Variants in BUD13 observed in about 807,000 individuals in gnomAD.
BUD13 encodes BUD13 homolog.
BUD13 carries 47 observed loss-of-function variants against 62.5 expected under a neutral mutation model. That is an observed-to-expected ratio of 0.75 (90% CI 0.60 to 0.96). BUD13 has a LOEUF of 0.96. BUD13 is among the 40% of genes least tolerant of loss of function. The pLI is 0.00. For synonymous variants in BUD13, 293 were observed against 280.1 expected, an observed-to-expected ratio of 1.05 and a Z score of -0.46; for missense variants, 821 against 790.9, an observed-to-expected ratio of 1.04 and a Z score of -0.46.
intron 3 of BUD13, among the ~76,000 whole-genome samples, chr11:116,764,179 A>G (rs1940487626): frequency 6.6e-6 from 1 of 152,246 alleles, no homozygotes; most frequent in African/African-American, 2.4e-5. Context: ...TGAAATATCT[A>G]TAGCAACTGG....
intron 4 of BUD13, among the ~76,000 whole-genome samples, chr11:116,761,235 A>G (rs1371554606): frequency 6.6e-6 from 1 of 151,934 alleles, no homozygotes; most frequent in Non-Finnish European, 1.5e-5. Context: ...TGTTTTTAGT[A>G]GAGATGGGGT....
At chr11:116,766,629 G>A (rs993998334) in intron 2 of BUD13, among the ~76,000 whole-genome samples, 3 of 152,212 alleles carry the variant, frequency 2.0e-5, no homozygotes, top group Non-Finnish European at 2.9e-5. Flanking sequence ...TTGCTATAAG[G>A]ATTGAATGAG....
intron 9 of BUD13, among the ~76,000 whole-genome samples, chr11:116,754,534 T>C (rs1223542577): frequency 1.3e-5 from 2 of 152,134 alleles, no homozygotes; most frequent in Non-Finnish European, 1.5e-5. Context: ...AAATCCAACA[T>C]ACATTCCTGA....
intron 9 of BUD13, among the ~76,000 whole-genome samples, chr11:116,748,868 C>T (rs1022528014): frequency 1.3e-5 from 2 of 151,628 alleles, no homozygotes; most frequent in Admixed American, 1.3e-4. Context: ...TGCCTGTAAT[C>T]CAGCTATTCG....
In BUD13 at chr11:116,772,815, A is replaced by C. The variant is rs562330863; in HGVS notation, c.143+7T>G. 7.6e-6 allele frequency: 12 copies of C among 1,571,080 alleles called. No individual in the cohort carries two copies. The East Asian group carries it at 2.6e-4, about 34-fold the overall frequency. On this transcript the variant is annotated splice_region_variant and intron_variant, in intron 1 of 9. Coordinates refer to ENST00000260210, the MANE Select transcript of BUD13 (RefSeq NM_032725.4). ...CGCAGGCCCCGCCCCGGCCGGTACC[A>C]ACTCACCCCTTGCCGCCGGCCCCGC...
chr11:116,752,553 A>G (rs981008241), intron 9 of BUD13, among the ~76,000 whole-genome samples: 1 of 152,166 alleles, frequency 6.6e-6, no homozygotes, highest in African/African-American at 2.4e-5. Flanking sequence ...ATTAAAAAAC[A>G]AAAAACAAAA....
chr11:116,756,967 AAGG>A (rs1207845412), intron 9 of BUD13, among the ~76,000 whole-genome samples, 176 bp downstream of exon 9: 1 of 152,218 alleles, frequency 6.6e-6, no homozygotes, highest in Non-Finnish European at 1.5e-5. Context: ...AAGGAAACAG[AAGG>A]AGGAGTGTTC....
chr11:116,758,004 T>C, intron 7 of BUD13, 54 bp from the exon 8 acceptor site: 1 of 1,593,932 alleles, frequency 6.3e-7, no homozygotes, highest in Non-Finnish European at 8.6e-7. Context: ...TTTCCACTTC[T>C]ACACGAGATG....
chr11:116,772,805 G>T lies in BUD13; in HGVS notation c.143+17C>A. On this transcript the variant is annotated intron_variant, in intron 1 of 9. Transcript: ENST00000260210. ...GGCTAGACGTCGCAGGCCCCGCCCC[G>T]GCCGGTACCAACTCACCCCTTGCCG... is the stretch of plus-strand genomic sequence containing the variant. The T allele has an allele frequency of 1.3e-6, 2 of 1,544,290 alleles. No homozygotes were observed. The highest frequency in any genetic ancestry group is 1.7e-6 in the Non-Finnish European group (2 of 1,148,206).
At chr11:116,749,419 T>G (rs1413615194) in intron 9 of BUD13, among the ~76,000 whole-genome samples, 3 of 151,976 alleles carry the variant, frequency 2.0e-5, no homozygotes, top group Non-Finnish European at 4.4e-5. Flanking sequence ...GGGGGAGGTA[T>G]GATAAAAAGG....
intron 9 of BUD13, among the ~76,000 whole-genome samples, chr11:116,753,257 T>C (rs553427410): frequency 1.8e-4 from 28 of 152,026 alleles, no homozygotes; most frequent in African/African-American, 6.8e-4. Flanking sequence ...GCTAGGAAAT[T>C]AGGGGGGAAA....
At chr11:116,755,378 A>G (rs951756800) in intron 9 of BUD13, among the ~76,000 whole-genome samples, 2 of 152,224 alleles carry the variant, frequency 1.3e-5, no homozygotes, top group Non-Finnish European at 2.9e-5. Context: ...GGTCTGAACA[A>G]CTCAGCAAAC....
chr11:116,767,724 AAC>A (rs1305613072), intron 2 of BUD13, among the ~76,000 whole-genome samples: 1 of 151,858 alleles, frequency 6.6e-6, no homozygotes, highest in Non-Finnish European at 1.5e-5. Flanking sequence ...CTGTAATCCC[AAC>A]ACTTTAGGAG....
chr11:116,763,088 C>G lies in BUD13; in HGVS notation c.501G>C (p.Gly167=). 1 of 1,580,674 alleles carries G rather than the reference C, an allele frequency of 6.3e-7. No individual in the cohort carries two copies. Among genetic ancestry groups the G allele is most frequent in the Non-Finnish European group, 8.6e-7 (1 of 1,157,510 alleles). The part of the protein sequence containing the change: ...HDTPDPSPLR[G]ARHDSDTSPP... ...GAGATGTGTCTGAGTCATGACGAGC[C>G]CCTCTGAGGGGAGAAGGATCCGGGG... Residue 167 remains glycine (G), a synonymous_variant, in exon 4 of 10, where the codon GGG becomes GGC. Transcript: ENST00000260210.
chr11:116,767,975 A>AAATAATAATAATAAT (rs57099961), intron 2 of BUD13, among the ~76,000 whole-genome samples: 10 of 143,672 alleles, frequency 7.0e-5, no homozygotes, highest in South Asian at 4.6e-4. Flanking sequence ...CCTGTCTCAA[A>AAATAATAATAATAAT]AATAATAATA....
At chr11:116,757,700 G>A (rs1221673382) in intron 8 of BUD13, 66 bp downstream of exon 8, 4 of 1,455,168 alleles carry the variant, frequency 2.7e-6, no homozygotes, top group Non-Finnish European at 3.7e-6. Flanking sequence ...ATATAGCTAT[G>A]TATCAGCATC....
intron 4 of BUD13, 127 bp downstream of exon 4, chr11:116,762,426 C>G: frequency 2.5e-6 from 2 of 795,264 alleles, no homozygotes; most frequent in Non-Finnish European, 3.9e-6. Context: ...CTCTCCCAAA[C>G]CCAGCCTCTC....
chr11:116,755,483 G>C (rs1282422302), intron 9 of BUD13, among the ~76,000 whole-genome samples: 1 of 152,162 alleles, frequency 6.6e-6, no homozygotes. Context: ...TAACAGTAAG[G>C]AAAGTTCTTT....
At chr11:116,749,707 T>C (rs146148230) in intron 9 of BUD13, among the ~76,000 whole-genome samples, 309 of 152,318 alleles carry the variant, frequency 2.0e-3, no homozygotes, top group Non-Finnish European at 3.6e-3. Flanking sequence ...GTAAAAAGCT[T>C]AGATTTCATC....
Sources: allele counts gnomAD v4.1 joint callset (sites outside exome capture counted in the v4.1 genomes callset), GRCh38; gene constraint gnomAD v4.1.1; transcripts MANE v1.5; gene names NCBI Gene and HGNC (gene_info 2026-07-23, HGNC 2026-07-21).